The following GRIK1 variants were observed in gnomAD, a reference collection of about 807,000 sequenced individuals.
The protein encoded by GRIK1 is glutamate receptor ionotropic, kainate 1.
In GRIK1, 69 loss-of-function variants were observed where a neutral mutation model predicts 105.7. The observed-to-expected ratio is 0.65, with a 90% confidence interval of 0.54 to 0.80. The LOEUF (loss-of-function observed/expected upper bound fraction) is 0.80. GRIK1 is among the 30% of genes least tolerant of loss of function. The pLI is 0.00. For synonymous variants in GRIK1, 438 were observed against 431.3 expected, an observed-to-expected ratio of 1.02 and a Z score of -0.19; for missense variants, 1,109 against 1,167.3, an observed-to-expected ratio of 0.95 and a Z score of 0.73.
intron 14 of GRIK1, among the ~76,000 whole-genome samples, chr21:29,568,338 T>A (rs2090659146): frequency 6.6e-6 from 1 of 152,232 alleles, no homozygotes; most frequent in South Asian, 2.1e-4. Context: ...TGGTTATAAC[T>A]GTCTGAAATC....
intron 1 of GRIK1, among the ~76,000 whole-genome samples, chr21:29,834,799 T>G (rs2067738515): frequency 6.6e-6 from 1 of 150,454 alleles, no homozygotes; most frequent in Non-Finnish European, 1.5e-5. Context: ...TTAATGATTT[T>G]ATTTATTCAA....
intron 1 of GRIK1, among the ~76,000 whole-genome samples, chr21:29,824,577 A>G (rs1760830084): frequency 6.6e-6 from 1 of 152,038 alleles, no homozygotes; most frequent in Non-Finnish European, 1.5e-5. Context: ...CAGGGAGCTC[A>G]GTAAACAAAA....
chr21:29,887,196 C>T (rs1250491375), intron 1 of GRIK1, among the ~76,000 whole-genome samples: 1 of 152,188 alleles, frequency 6.6e-6, no homozygotes, highest in African/African-American at 2.4e-5. Flanking sequence ...TATGAGTTTT[C>T]AGACTACAAA....
In GRIK1 at chr21:29,853,974, C is replaced by T. The variant is rs549289146; in HGVS notation, c.118+85409G>A. On this transcript the variant is annotated intron_variant, in intron 1 of 17. Transcript: ENST00000327783. The stretch of plus-strand genomic sequence containing the variant: ...GATGGCCAGGGTTGTCCTCACTGCC[C>T]CCATGACATCTGAGCAAAGGCCTGA... Among the ~76,000 whole-genome samples, 4 of 152,238 alleles carry T rather than the reference C, an allele frequency of 2.6e-5. No homozygotes were observed. The South Asian group carries it at 8.3e-4, about 32-fold the overall frequency.
intron 1 of GRIK1, among the ~76,000 whole-genome samples, chr21:29,780,828 T>C (rs980088762): frequency 2.0e-5 from 3 of 152,194 alleles, no homozygotes; most frequent in Admixed American, 6.5e-5. Context: ...TGCTTTACAT[T>C]TGACACATTG....
chr21:29,830,541 A>C (rs1243580024), intron 1 of GRIK1, among the ~76,000 whole-genome samples: 1 of 152,170 alleles, frequency 6.6e-6, no homozygotes, highest in Non-Finnish European at 1.5e-5. Context: ...TACTGGAAGT[A>C]GAGTGATGAG....
intron 1 of GRIK1, among the ~76,000 whole-genome samples, chr21:29,716,009 C>T (rs943507328): frequency 6.6e-6 from 1 of 151,890 alleles, no homozygotes; most frequent in African/African-American, 2.4e-5. Context: ...GGGGTGGTTA[C>T]CCCTAAGCTG....
intron 1 of GRIK1, among the ~76,000 whole-genome samples, chr21:29,883,970 T>C (rs2069517641): frequency 6.6e-6 from 1 of 152,018 alleles, no homozygotes; most frequent in Admixed American, 6.6e-5. Flanking sequence ...TTTTCCACTC[T>C]GACTCTTCCT....
chr21:29,773,295 C>T (rs919460857), intron 1 of GRIK1, among the ~76,000 whole-genome samples: 17 of 152,108 alleles, frequency 1.1e-4, no homozygotes, highest in African/African-American at 3.9e-4. Flanking sequence ...TTTCTCTAGG[C>T]TTCAACTCAT....
intron 1 of GRIK1, among the ~76,000 whole-genome samples, chr21:29,846,463 G>GAGAAAGAAAGAAAGAA (rs56303585): frequency 7.4e-4 from 95 of 127,982 alleles, no homozygotes; most frequent in Non-Finnish European, 9.8e-4. Flanking sequence ...GAAAGAGAGA[G>GAGAAAGAAAGAAAGAA]AGAAAGAAAG....
At chr21:29,810,249 A>G (rs2066975181) in intron 1 of GRIK1, among the ~76,000 whole-genome samples, 2 of 151,866 alleles carry the variant, frequency 1.3e-5, no homozygotes, top group Non-Finnish European at 2.9e-5. Flanking sequence ...GTGAGCAGAG[A>G]TCTTGCCACT....
At chr21:29,767,660 A>G (rs958260777) in intron 1 of GRIK1, among the ~76,000 whole-genome samples, 1 of 152,178 alleles carries the variant, frequency 6.6e-6, no homozygotes, top group Non-Finnish European at 1.5e-5. Context: ...TCAGAGAACA[A>G]TTTTAGAGGT....
chr21:29,581,248 A>C (rs1405631676), intron 13 of GRIK1, among the ~76,000 whole-genome samples, 177 bp downstream of exon 13: 2 of 152,138 alleles, frequency 1.3e-5, no homozygotes, highest in Non-Finnish European at 2.9e-5. Context: ...AGGGAGTTCC[A>C]TATAGGTCAT....
At chr21:29,604,905 A>G (rs185995038) in intron 7 of GRIK1, among the ~76,000 whole-genome samples, 2 of 152,300 alleles carry the variant, frequency 1.3e-5, no homozygotes, top group African/African-American at 4.8e-5. Context: ...CTTTCTCAAG[A>G]TATTTATTGT....
intron 7 of GRIK1, among the ~76,000 whole-genome samples, chr21:29,618,905 A>T (rs1334598476): frequency 6.6e-6 from 1 of 152,112 alleles, no homozygotes; most frequent in African/African-American, 2.4e-5. Flanking sequence ...AGGTGGGCAG[A>T]TCACGAGGTC....
chr21:29,716,634 T>G (rs188953399), intron 1 of GRIK1, among the ~76,000 whole-genome samples: 19 of 152,288 alleles, frequency 1.2e-4, no homozygotes, highest in Admixed American at 1.1e-3. Context: ...GCCCTAGAGA[T>G]CTATGGAACT....
At position 29,624,929 on chromosome 21, in the gene GRIK1, A is replaced by C. The variant is rs1309491717; in HGVS notation, c.1098+17897T>G. Among the ~76,000 whole-genome samples, 4 of 152,164 alleles carry C rather than the reference A, an allele frequency of 2.6e-5. No individual in the cohort carries two copies. In the East Asian group the frequency reaches 7.7e-4, roughly 29 times the overall value. On this transcript the variant is annotated intron_variant, in intron 7 of 17. Coordinates refer to ENST00000327783, the MANE Select transcript of GRIK1 (RefSeq NM_001330994.2). ...GCTGTTCTGGAAATTAGGGAGAAAG[A>C]ACAGTTTGATCCAGGCCTTTCTTCT...
chr21:29,576,085 G>T (rs563701118), intron 14 of GRIK1, among the ~76,000 whole-genome samples: 1 of 151,816 alleles, frequency 6.6e-6, no homozygotes, highest in African/African-American at 2.4e-5. Context: ...TTATAGACTA[G>T]GTATTTGACT....
intron 1 of GRIK1, among the ~76,000 whole-genome samples, chr21:29,918,219 A>G (rs1381045152): frequency 1.3e-5 from 2 of 152,114 alleles, no homozygotes; most frequent in Non-Finnish European, 2.9e-5. Flanking sequence ...TTATTTATGA[A>G]TCTCAAATAA....
Sources: allele counts gnomAD v4.1 joint callset (sites outside exome capture counted in the v4.1 genomes callset), GRCh38; gene constraint gnomAD v4.1.1; transcripts MANE v1.5; gene names NCBI Gene and HGNC (gene_info 2026-07-23, HGNC 2026-07-21).